The following DIP2B variants were observed in gnomAD, a reference collection of about 807,000 sequenced individuals.
DIP2B encodes the protein DIP2 acetate--CoA ligase B (putative), also known as disco-interacting protein 2 homolog B.
DIP2B carries 76 observed loss-of-function variants against 198.0 expected under a neutral mutation model. The ratio of observed to expected loss-of-function variants is 0.38; its 90% CI spans 0.32 to 0.46. The LOEUF is 0.46. DIP2B is among the 20% of genes least tolerant of loss of function. The pLI, the probability that DIP2B is intolerant of heterozygous loss-of-function variation, is 0.99. For synonymous variants in DIP2B, 701 were observed against 739.1 expected, an observed-to-expected ratio of 0.95 and a Z score of 0.84; for missense variants, 1,559 against 1,978.4, an observed-to-expected ratio of 0.79 and a Z score of 4.02.
Position 50,731,553 on chromosome 12 carries a change from A to G in DIP2B, c.3810+16A>G, listed in dbSNP as rs1940042782. 1 of 1,602,900 alleles carries G rather than the reference A, an allele frequency of 6.2e-7. No individual in the cohort carries two copies. The highest frequency in any genetic ancestry group is 1.1e-5 in the South Asian group (1 of 89,788). On this transcript the variant is annotated intron_variant, in intron 31 of 37. Transcript: ENST00000301180. ...AGTGCTAAAGGTAAGAAGCAGCTCCAGCAGGTGGCCAGTCCCAAAAGGTTC... is the reference window on the plus strand; with the variant it reads ...AGTGCTAAAGGTAAGAAGCAGCTCCGGCAGGTGGCCAGTCCCAAAAGGTTC...
At chr12:50,624,664 C>T (rs1226806705) in intron 1 of DIP2B, among the ~76,000 whole-genome samples, 1 of 152,160 alleles carries the variant, frequency 6.6e-6, no homozygotes, top group Non-Finnish European at 1.5e-5. Context: ...ATCCTATGGT[C>T]TTCCTCTTAA....
At chr12:50,516,288 C>T (rs1439680500) in intron 1 of DIP2B, among the ~76,000 whole-genome samples, 1 of 151,196 alleles carries the variant, frequency 6.6e-6, no homozygotes, top group East Asian at 1.9e-4. Flanking sequence ...GAGAGTCTTG[C>T]TCGTCACCAA....
rs371401289 is a variant in DIP2B at position 50,719,055 on chromosome 12, A to G, written c.3042+20A>G. On this transcript the variant is annotated intron_variant, in intron 25 of 37. Transcript: ENST00000301180. ...GCCAAGGTATTAAAAATTCAATGGT[A>G]TATCTAATCAGCTGACTACTATAGG... The G allele has an allele frequency of 2.0e-5, 32 of 1,611,864 alleles. No homozygotes were observed. Among genetic ancestry groups the G allele is most frequent in the Non-Finnish European group, 2.5e-5 (30 of 1,178,802 alleles).
intron 1 of DIP2B, among the ~76,000 whole-genome samples, chr12:50,602,465 C>T (rs1565841217): frequency 6.6e-6 from 1 of 152,104 alleles, no homozygotes; most frequent in African/African-American, 2.4e-5. Flanking sequence ...GACATGTTGC[C>T]CAGCTGGTCT....
At chr12:50,724,706 A>C in intron 27 of DIP2B, 69 bp from the exon 28 acceptor site, 1 of 1,403,160 alleles carries the variant, frequency 7.1e-7, no homozygotes, top group Non-Finnish European at 1.0e-6. Flanking sequence ...TTTTAGCAGC[A>C]GCCAGGGCCT....
At chr12:50,576,423 A>G (rs995824599) in intron 1 of DIP2B, among the ~76,000 whole-genome samples, 1 of 151,806 alleles carries the variant, frequency 6.6e-6, no homozygotes, top group Non-Finnish European at 1.5e-5. Context: ...TATCTGTGAA[A>G]GAGACCACAT....
chr12:50,732,285 A>G lies in DIP2B; in HGVS notation c.3811-81A>G, dbSNP rs530682462. ...CACAATTGCTTGGCTTTTCCTGACCAAGGAGCTAGAACAGTGGCCTTACCT... is the reference window on the plus strand; with the variant it reads ...CACAATTGCTTGGCTTTTCCTGACCGAGGAGCTAGAACAGTGGCCTTACCT... On this transcript the variant is annotated intron_variant, in intron 31 of 37. Transcript: ENST00000301180. 4.2e-5 allele frequency: 63 copies of G among 1,497,892 alleles called. 1 individual carries two copies. The East Asian group carries it at 1.4e-3, about 33-fold the overall frequency. 92.8% of individuals were successfully genotyped at this position (1,497,892 alleles called of 1,614,324 possible).
chr12:50,559,179 ACTT>A (rs767969937), intron 1 of DIP2B, among the ~76,000 whole-genome samples: 4 of 152,274 alleles, frequency 2.6e-5, no homozygotes, highest in East Asian at 1.9e-4. Flanking sequence ...CAAGGGACAG[ACTT>A]CTTATTAACT....
chr12:50,558,191 G>A (rs1958487701), intron 1 of DIP2B, among the ~76,000 whole-genome samples: 1 of 152,024 alleles, frequency 6.6e-6, no homozygotes, highest in Non-Finnish European at 1.5e-5. Flanking sequence ...GTGAGACCCC[G>A]TTTCTACAAA....
intron 2 of DIP2B, among the ~76,000 whole-genome samples, chr12:50,639,589 G>C (rs1240296027): frequency 6.6e-6 from 1 of 150,866 alleles, no homozygotes; most frequent in East Asian, 1.9e-4. Flanking sequence ...GCTGCTTTGA[G>C]TCTTTTTTTT....
chr12:50,735,071 AG>A lies in DIP2B; in HGVS notation c.4045del. On this transcript the variant is annotated splice_acceptor_variant, in intron 33 of 37. Coordinates refer to ENST00000301180, the MANE Select transcript of DIP2B (RefSeq NM_173602.3). LOFTEE classifies it high-confidence loss of function. The stretch of plus-strand genomic sequence containing the variant: ...TATATAGTAAATACCGTTCTTCTGC[AG>A]GGTTCGTCTCGTGGAACGTGGCGCC... 1 of 1,614,164 alleles carries A rather than the reference AG, an allele frequency of 6.2e-7. No individual in the cohort carries two copies. The highest frequency in any genetic ancestry group is 8.5e-7 in the Non-Finnish European group (1 of 1,180,008).
intron 1 of DIP2B, among the ~76,000 whole-genome samples, chr12:50,611,001 TC>T (rs1959027340): frequency 1.3e-5 from 2 of 152,178 alleles, no homozygotes; most frequent in South Asian, 2.1e-4. Flanking sequence ...GGTTCCACCA[TC>T]TTGGCCAGGC....
In DIP2B at chr12:50,747,219, T is replaced by A. The variant is rs1940352377; in HGVS notation, c.*2380T>A. 6.6e-6 allele frequency: 1 copy of A among 152,356 alleles called. No individual in the cohort carries two copies. Among genetic ancestry groups the A allele is most frequent in the Admixed American group, 6.5e-5 (1 of 15,306 alleles). The allele number at this position is 152,356 out of a possible 1,614,324, so 9.4% of individuals were successfully genotyped here. ...AGTCTTTGTAGCCAAATGTGACTAGTGGCTACCATATTAGACAGTGCAGAT... is the reference window on the plus strand; with the variant it reads ...AGTCTTTGTAGCCAAATGTGACTAGAGGCTACCATATTAGACAGTGCAGAT... On this transcript the variant is annotated 3_prime_UTR_variant, in exon 38 of 38. Coordinates refer to ENST00000301180, the MANE Select transcript of DIP2B (RefSeq NM_173602.3).
intron 1 of DIP2B, among the ~76,000 whole-genome samples, chr12:50,611,738 C>A (rs1359179946): frequency 6.6e-6 from 1 of 152,148 alleles, no homozygotes; most frequent in Admixed American, 6.5e-5. Flanking sequence ...CCCCCAAAGC[C>A]ATTCCCTGGA....
intron 1 of DIP2B, among the ~76,000 whole-genome samples, chr12:50,624,872 T>C (rs540531673): frequency 5.4e-4 from 82 of 152,302 alleles, no homozygotes; most frequent in African/African-American, 1.7e-3. Flanking sequence ...CCCTTTTTAG[T>C]GATCCCTGCT....
chr12:50,570,752 CA>C (rs1284324450), intron 1 of DIP2B, among the ~76,000 whole-genome samples: 1 of 152,184 alleles, frequency 6.6e-6, no homozygotes, highest in Non-Finnish European at 1.5e-5. Context: ...AAGATATAGG[CA>C]TTAAATATAT....
intron 1 of DIP2B, among the ~76,000 whole-genome samples, chr12:50,622,214 G>A (rs80289159): frequency 0.014 from 2,075 of 152,178 alleles, 43 homozygotes; most frequent in African/African-American, 0.046. Flanking sequence ...TTCTAATGAC[G>A]GTTTACTTGG....
intron 1 of DIP2B, among the ~76,000 whole-genome samples, chr12:50,589,003 T>G (rs1010210691): frequency 5.9e-5 from 9 of 151,682 alleles, no homozygotes; most frequent in Non-Finnish European, 1.3e-4. Context: ...GCTAACACGG[T>G]GAAACCCTGT....
At chr12:50,512,483 A>C (rs1333292151) in intron 1 of DIP2B, among the ~76,000 whole-genome samples, 1 of 152,158 alleles carries the variant, frequency 6.6e-6, no homozygotes, top group African/African-American at 2.4e-5. Context: ...TATTTCTTAT[A>C]TTGTTTTAGG....
Sources: gnomAD v4.1 joint callset for allele counts (sites outside exome capture counted in the v4.1 genomes callset) on GRCh38, gnomAD v4.1.1 for gene constraint, MANE v1.5 for transcripts, NCBI Gene and HGNC (gene_info 2026-07-23, HGNC 2026-07-21) for gene names.